RUFY4: variants seen among roughly 807,000 people sequenced by gnomAD.
The protein encoded by RUFY4 is RUN and FYVE domain-containing protein 4.
RUFY4 carries 73 observed loss-of-function variants against 69.0 expected under a neutral mutation model. That is an observed-to-expected ratio of 1.06 (90% CI 0.88 to 1.29). RUFY4 has a LOEUF of 1.29. RUFY4 is among the 50% of genes most tolerant of loss of function. The pLI, the probability that RUFY4 is intolerant of heterozygous loss-of-function variation, is 0.00. For synonymous variants in RUFY4, 287 were observed against 271.8 expected (o/e 1.06, Z -0.55); for missense variants, 770 against 705.6 (o/e 1.09, Z -1.03).
At chr2:218,074,627 T>C (rs2106054570) in intron 6 of RUFY4, among the ~76,000 whole-genome samples, 1 of 152,258 alleles carries the variant, frequency 6.6e-6, no homozygotes, top group South Asian at 2.1e-4. Context: ...CAGAGGAACA[T>C]GGGAGCACAG....
intron 2 of RUFY4, among the ~76,000 whole-genome samples, chr2:218,040,684 T>A (rs1959049173): frequency 1.3e-5 from 2 of 152,144 alleles, no homozygotes. Context: ...TTTTCCAATT[T>A]GATGTTTATT....
In RUFY4 at chr2:218,060,799, A is replaced by G. The variant is rs554812650; in HGVS notation, c.-1071+2118A>G. 1.3e-5 allele frequency: 20 copies of G among 1,583,576 alleles called. 1 individual carries two copies. In the East Asian group the frequency reaches 1.6e-4, roughly 12 times the overall value. ...TGGGGCAGGATCCGTAACAGCATCC[A>G]CCAGTTTGCTGTATTGTTGCCCATG... On this transcript the variant is annotated intron_variant and NMD_transcript_variant, in intron 3 of 13. Coordinates refer to the RUFY4 transcript ENST00000457754.
intron 8 of RUFY4, 31 bp from the exon 11 acceptor site, chr2:218,083,079 C>T (rs1689803839): frequency 6.4e-7 from 1 of 1,562,690 alleles, no homozygotes; most frequent in South Asian, 1.1e-5. Context: ...AGCTTTGCCC[C>T]CTGAGAACCT....
chr2:218,061,313 T>C (rs1316807568), intron 3 of RUFY4: 1 of 308,438 alleles, frequency 3.2e-6, no homozygotes, highest in Non-Finnish European at 6.4e-6. Flanking sequence ...GGGCAGAATC[T>C]AGTAGAAAAG....
In RUFY4 at chr2:218,058,159, C is replaced by CA. The variant is rs567829783; in HGVS notation, c.-1157-432dup. On this transcript the variant is annotated intron_variant and NMD_transcript_variant, in intron 2 of 13. Transcript: ENST00000457754. ...CTTCTAATCTGGTGAATTCTCACTC[C>CA]AAAATTACAAGATGCAAAAGCCTGC... 2.6e-5 allele frequency among the ~76,000 whole-genome samples: 4 copies of CA among 152,288 alleles called. No individual in the cohort carries two copies. In the East Asian group the frequency reaches 7.7e-4, roughly 29 times the overall value.
intron 9 of RUFY4, among the ~76,000 whole-genome samples, chr2:218,084,352 C>T (rs1689842307): frequency 6.6e-6 from 1 of 152,074 alleles, no homozygotes; most frequent in Admixed American, 6.5e-5. Context: ...CTGCCTCAGC[C>T]TTCCAAGTAG....
chr2:218,086,735 A>G lies in RUFY4; in HGVS notation c.1503-2517A>G, dbSNP rs560455189. Among the ~76,000 whole-genome samples, 32 of 152,072 alleles carry G rather than the reference A, an allele frequency of 2.1e-4. No homozygotes were observed. The South Asian group carries it at 4.2e-3, about 20-fold the overall frequency. On this transcript the variant is annotated intron_variant, in intron 9 of 10. Transcript: ENST00000344321. The stretch of plus-strand genomic sequence containing the variant: ...AAGGAGAAGATGTGGAATTCAGGGG[A>G]AAAAAAATAGCTCTAGCCTAGGAGA...
chr2:218,068,019 C>A (rs1689384381), upstream of RUFY4, among the ~76,000 whole-genome samples: 1 of 151,546 alleles, frequency 6.6e-6, no homozygotes, highest in Non-Finnish European at 1.5e-5. Context: ...AGGGAGAAAC[C>A]AGCGCCACAC....
intron 2 of RUFY4, among the ~76,000 whole-genome samples, chr2:218,040,585 C>T (rs753836760): frequency 2.0e-5 from 3 of 152,192 alleles, no homozygotes; most frequent in Non-Finnish European, 2.9e-5. Flanking sequence ...TAAACTCTGA[C>T]TTCATACCTG....
rs1177524780 is a variant in RUFY4 at position 218,036,504 on chromosome 2, T to C, written c.-1158+1110T>C. 3.3e-5 allele frequency among the ~76,000 whole-genome samples: 5 copies of C among 152,150 alleles called. No individual in the cohort carries two copies. The East Asian group carries it at 7.7e-4, about 23-fold the overall frequency. ...CTATAAAAGGGACCACAGTTCCAAT[T>C]TGAACCAACAGTTGAGTTAAGGATG... is the stretch of plus-strand genomic sequence containing the variant. On this transcript the variant is annotated intron_variant and NMD_transcript_variant, in intron 2 of 13. Transcript: ENST00000457754.
chr2:218,088,847 C>CTGTGTCTCTTTCTCTGTG (rs1689956637), intron 9 of RUFY4, among the ~76,000 whole-genome samples: 1 of 152,014 alleles, frequency 6.6e-6, no homozygotes, highest in Non-Finnish European at 1.5e-5. Flanking sequence ...TTCTCTGTCT[C>CTGTGTCTCTTTCTCTGTG]TGTGTCTCTT....
At chr2:218,059,445 C>G (rs1010971005) in intron 3 of RUFY4, 1 of 166,826 alleles carries the variant, frequency 6.0e-6, no homozygotes, top group Admixed American at 6.5e-5. Flanking sequence ...CCCTCAGTCC[C>G]TGGTAATCAC....
chr2:218,088,484 A>C (rs1689946226), intron 9 of RUFY4, among the ~76,000 whole-genome samples: 1 of 152,104 alleles, frequency 6.6e-6, no homozygotes, highest in South Asian at 2.1e-4. Context: ...AAGAAAAAAG[A>C]AAAAAGCAGT....
exon 5 of RUFY4, chr2:218,073,352 C>A: frequency 1.3e-6 from 2 of 1,590,972 alleles, no homozygotes; most frequent in East Asian, 2.3e-5. Context: ...CCTCCAGCAG[C>A]CAGACCTGGA....
exon 11 of RUFY4, chr2:218,090,197 T>C (rs1046930596): frequency 8.8e-6 from 4 of 455,536 alleles, no homozygotes; most frequent in Non-Finnish European, 1.7e-5. Context: ...CCAGCACTTC[T>C]GTGGGCAGAG....
At chr2:218,077,126 A>T (rs553105212) in intron 8 of RUFY4, among the ~76,000 whole-genome samples, 1 of 152,058 alleles carries the variant, frequency 6.6e-6, no homozygotes. Context: ...TTCACCCACC[A>T]TTGGCTAGTT....
intron 2 of RUFY4, among the ~76,000 whole-genome samples, chr2:218,050,019 A>C (rs1226819074): frequency 6.6e-6 from 1 of 152,194 alleles, no homozygotes; most frequent in African/African-American, 2.4e-5. Context: ...GATAGAGTCC[A>C]TGACTGGAGT....
upstream of RUFY4, chr2:218,068,481 G>C (rs373211929): frequency 6.5e-6 from 1 of 153,522 alleles, no homozygotes; most frequent in East Asian, 1.9e-4. Flanking sequence ...ATATAGGGAC[G>C]GAGGAGAGGG....
intron 3 of RUFY4, chr2:218,059,132 G>A (rs184865752): frequency 6.6e-6 from 1 of 152,188 alleles, no homozygotes; most frequent in Non-Finnish European, 1.5e-5. Context: ...TTGGTTGGAA[G>A]AAACAAAATA....
Sources: allele counts gnomAD v4.1 joint callset (sites outside exome capture counted in the v4.1 genomes callset), GRCh38; gene constraint gnomAD v4.1.1; transcripts MANE v1.5; gene names NCBI Gene and HGNC (gene_info 2026-07-23, HGNC 2026-07-21).